CAP2: variants seen among roughly 807,000 people sequenced by gnomAD.
CAP2 encodes the protein adenylyl cyclase-associated protein 2.
A neutral mutation model predicts 57.7 loss-of-function variants in CAP2; 24 were observed. That is an observed-to-expected ratio of 0.42 (90% CI 0.30 to 0.58). The LOEUF is 0.58. CAP2 is among the 20% of genes least tolerant of loss of function. CAP2 has a pLI of 0.22. For missense variants in CAP2, 501 were observed against 590.3 expected (o/e 0.85, Z 1.57); for synonymous variants, 194 against 207.2 (o/e 0.94, Z 0.55).
intron 3 of CAP2, among the ~76,000 whole-genome samples, chr6:17,443,710 CT>C: frequency 6.6e-6 from 1 of 152,206 alleles, no homozygotes; most frequent in Admixed American, 6.5e-5. Flanking sequence ...AAGCATCACT[CT>C]GATTCTAGGG....
chr6:17,429,799 G>T (rs987205971), intron 3 of CAP2, among the ~76,000 whole-genome samples: 3 of 152,168 alleles, frequency 2.0e-5, no homozygotes, highest in Non-Finnish European at 4.4e-5. Context: ...ACAACACAAA[G>T]AAAAGTACAG....
intron 3 of CAP2, among the ~76,000 whole-genome samples, chr6:17,436,246 C>A (rs552836246): frequency 2.0e-5 from 3 of 152,212 alleles, no homozygotes; most frequent in African/African-American, 7.2e-5. Flanking sequence ...GCCTCAGCCT[C>A]CCAAATAACT....
intron 1 of CAP2, among the ~76,000 whole-genome samples, chr6:17,398,803 C>T (rs1443309405): frequency 9.2e-5 from 14 of 152,104 alleles, no homozygotes; most frequent in Admixed American, 7.2e-4. Flanking sequence ...GAATTACATG[C>T]GTGAGCCACC....
At chr6:17,485,741 C>T (rs1334288071) in intron 4 of CAP2, among the ~76,000 whole-genome samples, 2 of 152,208 alleles carry the variant, frequency 1.3e-5, no homozygotes, top group Non-Finnish European at 2.9e-5. Context: ...TCCTGCTGTC[C>T]TGCTTCAAAT....
chr6:17,553,662 C>T (rs566336142), intron 12 of CAP2, among the ~76,000 whole-genome samples: 1 of 151,474 alleles, frequency 6.6e-6, no homozygotes, highest in South Asian at 2.1e-4. Flanking sequence ...GATCTTGCCT[C>T]TTACAGGTCA....
intron 3 of CAP2, among the ~76,000 whole-genome samples, chr6:17,455,726 G>C (rs769560776): frequency 4.6e-5 from 7 of 151,952 alleles, no homozygotes; most frequent in African/African-American, 1.7e-4. Flanking sequence ...TAGTAGAGAT[G>C]GGGTTTCACC....
chr6:17,512,214 A>C (rs1762173668), intron 6 of CAP2, among the ~76,000 whole-genome samples: 1 of 151,830 alleles, frequency 6.6e-6, no homozygotes, highest in Non-Finnish European at 1.5e-5. Flanking sequence ...ACATAGTGAG[A>C]CCTCCATCCC....
chr6:17,486,085 C>T (rs1761411916), intron 4 of CAP2, among the ~76,000 whole-genome samples: 1 of 152,202 alleles, frequency 6.6e-6, no homozygotes, highest in South Asian at 2.1e-4. Context: ...TGGCATGCAC[C>T]TGTAGTCCCA....
intron 3 of CAP2, among the ~76,000 whole-genome samples, chr6:17,433,475 CCT>C (rs1173344254): frequency 4.6e-5 from 7 of 152,294 alleles, no homozygotes; most frequent in Middle Eastern, 3.4e-3. Context: ...TTCCTCACTC[CCT>C]CTTTCTAGAA....
intron 4 of CAP2, 133 bp downstream of exon 4, chr6:17,463,206 T>G: frequency 3.1e-6 from 2 of 641,586 alleles, no homozygotes; most frequent in Non-Finnish European, 5.6e-6. Flanking sequence ...ATGTTCTGTC[T>G]CTAATCTGGA....
chr6:17,507,001 C>A (rs1456442145), intron 4 of CAP2, among the ~76,000 whole-genome samples, 168 bp from the exon 5 acceptor site: 1 of 152,260 alleles, frequency 6.6e-6, no homozygotes, highest in Middle Eastern at 3.4e-3. Context: ...CACGGCATTA[C>A]CATAACCAAG....
intron 3 of CAP2, among the ~76,000 whole-genome samples, chr6:17,441,136 TA>T (rs1234065829): frequency 6.6e-6 from 1 of 151,560 alleles, no homozygotes; most frequent in Admixed American, 6.6e-5. Context: ...GATCTTTTAA[TA>T]AATTACATTA....
chr6:17,519,260 T>C (rs527584898), intron 7 of CAP2, among the ~76,000 whole-genome samples: 1 of 152,136 alleles, frequency 6.6e-6, no homozygotes, highest in Admixed American at 6.5e-5. Flanking sequence ...GTCAGGCAAC[T>C]GCTGCCCTGT....
intron 7 of CAP2, among the ~76,000 whole-genome samples, chr6:17,517,738 T>TA (rs1196806944): frequency 6.6e-6 from 1 of 151,958 alleles, no homozygotes; most frequent in Admixed American, 6.6e-5. Context: ...CTGTCTCTAC[T>TA]AAAAATACAA....
intron 7 of CAP2, among the ~76,000 whole-genome samples, chr6:17,520,677 T>C (rs1762370365): frequency 6.6e-6 from 1 of 152,224 alleles, no homozygotes; most frequent in Non-Finnish European, 1.5e-5. Context: ...TTACTTTTGA[T>C]CAAATTAAAA....
chr6:17,547,285 T>C (rs1284270469), intron 11 of CAP2, among the ~76,000 whole-genome samples: 1 of 152,208 alleles, frequency 6.6e-6, no homozygotes, highest in Non-Finnish European at 1.5e-5. Context: ...TGTAAACACA[T>C]ATATATGCAC....
At chr6:17,533,028 G>A (rs1470802351) in intron 7 of CAP2, among the ~76,000 whole-genome samples, 1 of 133,064 alleles carries the variant, frequency 7.5e-6, no homozygotes, top group Non-Finnish European at 1.5e-5. Flanking sequence ...TCACACCATC[G>A]CACTCCAGCC....
rs147013904 is a variant in CAP2, at chr6:17,505,532, C to T, written c.301-1637C>T. ...CCAGGCCTTAGTGGTTTTTAAAAAC[C>T]CCAAGGTGGTTCTAATATGTAGCCA... On this transcript the variant is annotated intron_variant, in intron 4 of 12. Coordinates refer to ENST00000229922, the MANE Select transcript of CAP2 (RefSeq NM_006366.3). Among the ~76,000 whole-genome samples, 6 of 152,250 alleles carry T rather than the reference C, an allele frequency of 3.9e-5. No homozygotes were observed. In the East Asian group the frequency reaches 7.7e-4, roughly 20 times the overall value.
At chr6:17,495,693 C>T (rs538352074) in intron 4 of CAP2, among the ~76,000 whole-genome samples, 1 of 152,214 alleles carries the variant, frequency 6.6e-6, no homozygotes, top group African/African-American at 2.4e-5. Flanking sequence ...CAGCTCAAGA[C>T]TCGAAGATGA....
Sources: gnomAD v4.1 joint callset for allele counts (sites outside exome capture counted in the v4.1 genomes callset) on GRCh38, gnomAD v4.1.1 for gene constraint, MANE v1.5 for transcripts, NCBI Gene and HGNC (gene_info 2026-07-23, HGNC 2026-07-21) for gene names.